Variants in GLIS3 observed in about 807,000 individuals in gnomAD.
GLIS3 encodes the protein GLIS family zinc finger 3.
A neutral mutation model predicts 78.6 loss-of-function variants in GLIS3; 53 were observed. The ratio of observed to expected loss-of-function variants is 0.67; its 90% confidence interval spans 0.54 to 0.85. GLIS3 has a LOEUF of 0.85. Ranked by LOEUF, GLIS3 falls within the 40% of genes least tolerant of loss-of-function variation. The probability of loss-of-function intolerance (pLI) is 0.00; values close to 1 mark genes in which losing one functional copy is unlikely to be tolerated. For missense variants in GLIS3, 1,703 were observed against 1,231.1 expected (o/e 1.38, Z -5.74); for synonymous variants, 684 against 509.9 (o/e 1.34, Z -4.60).
the GLIS3 span, among the ~76,000 whole-genome samples, chr9:4,363,282 G>T: frequency 2.0e-5 from 3 of 152,148 alleles, no homozygotes; most frequent in African/African-American, 7.2e-5. Flanking sequence ...AATTAGCCAG[G>T]TGTGGTGGCA....
intron 2 of GLIS3, among the ~76,000 whole-genome samples, chr9:4,215,931 A>T (rs1820786164): frequency 6.6e-6 from 1 of 152,190 alleles, no homozygotes; most frequent in Non-Finnish European, 1.5e-5. Flanking sequence ...TTTAAAACTA[A>T]AAAAGCTGAT....
intron 2 of GLIS3, among the ~76,000 whole-genome samples, chr9:4,265,036 G>C (rs899855279): frequency 6.6e-6 from 1 of 151,832 alleles, no homozygotes; most frequent in African/African-American, 2.4e-5. Context: ...GCCGGGTGTG[G>C]TGGCGGGCGC....
At chr9:3,903,047 G>C (rs911606520) in intron 6 of GLIS3, among the ~76,000 whole-genome samples, 1 of 152,148 alleles carries the variant, frequency 6.6e-6, no homozygotes, top group Non-Finnish European at 1.5e-5. Context: ...AATATGTCAT[G>C]TTTTGTAGCT....
At chr9:4,019,942 GA>G (rs1822747286) in intron 4 of GLIS3, among the ~76,000 whole-genome samples, 1 of 152,030 alleles carries the variant, frequency 6.6e-6, no homozygotes, top group Non-Finnish European at 1.5e-5. Context: ...TTTTTTTGTA[GA>G]GACGGGGTAT....
chr9:3,867,715 TTGTGTGTGTGTGTGCGTGCG>T (rs767599179), intron 8 of GLIS3, among the ~76,000 whole-genome samples: 28 of 16,296 alleles, frequency 1.7e-3, no homozygotes, highest in Middle Eastern at 0.04. Context: ...TCAACAATTC[TTGTGTGTGTGTGTGCGTGCG>T]TGTGTGTGTG....
chr9:4,029,317 A>T (rs1445548929), intron 4 of GLIS3, among the ~76,000 whole-genome samples: 2 of 151,874 alleles, frequency 1.3e-5, no homozygotes, highest in Non-Finnish European at 2.9e-5. Context: ...CATCATTTTT[A>T]AAAAATGTTT....
At chr9:4,166,344 G>C (rs1835892765) in intron 2 of GLIS3, among the ~76,000 whole-genome samples, 1 of 152,214 alleles carries the variant, frequency 6.6e-6, no homozygotes, top group South Asian at 2.1e-4. Flanking sequence ...GAAAGCTGCA[G>C]CCCAGGAGAC....
intron 2 of GLIS3, among the ~76,000 whole-genome samples, chr9:4,144,517 T>C (rs760060585): frequency 6.6e-6 from 1 of 152,218 alleles, no homozygotes; most frequent in Non-Finnish European, 1.5e-5. Flanking sequence ...TTATACATGA[T>C]TAAGCATGAG....
chr9:4,290,903 T>A (rs1187724752), intron 1 of GLIS3, among the ~76,000 whole-genome samples: 1 of 152,112 alleles, frequency 6.6e-6, no homozygotes, highest in East Asian at 1.9e-4. Context: ...TTTCCCCAAA[T>A]TGAAACTGGA....
At position 4,298,113 on chromosome 9, in the gene GLIS3, C is replaced by T. The variant is rs553025490; in HGVS notation, c.-99+1308G>A. ...CCGGCTTCCTGTTGTGCAACTCGCT[C>T]CTGAGTGAGTCGGGGGCCGAAAGGG... On this transcript the variant is annotated intron_variant, in intron 1 of 10. Coordinates refer to ENST00000381971, the MANE Select transcript of GLIS3 (RefSeq NM_001042413.2). Among the ~76,000 whole-genome samples the T allele has an allele frequency of 5.3e-5, 8 of 152,244 alleles. No individual in the cohort carries two copies. In the South Asian group the frequency reaches 1.5e-3, roughly 28 times the overall value.
chr9:4,340,145 G>A (rs950482128), intron 2 of GLIS3, among the ~76,000 whole-genome samples: 2 of 151,728 alleles, frequency 1.3e-5, no homozygotes, highest in Admixed American at 6.6e-5. Context: ...TTTTTCTACA[G>A]CCTTCTCCAT....
chr9:3,955,562 G>A (rs779222035), intron 4 of GLIS3, among the ~76,000 whole-genome samples: 1 of 152,056 alleles, frequency 6.6e-6, no homozygotes, highest in Non-Finnish European at 1.5e-5. Context: ...TGAAAAAGGG[G>A]TCATGAGCAG....
chr9:4,102,794 G>A (rs572782235), intron 4 of GLIS3, among the ~76,000 whole-genome samples: 6 of 151,510 alleles, frequency 4.0e-5, no homozygotes, highest in South Asian at 2.1e-4. Flanking sequence ...GCTTTTTTTC[G>A]TAGTCAGTGG....
chr9:4,453,720 C>G, the GLIS3 span, among the ~76,000 whole-genome samples: 2 of 152,106 alleles, frequency 1.3e-5, no homozygotes, highest in East Asian at 3.9e-4. Context: ...AAGCTGGAAA[C>G]CATCATTCTG....
At chr9:4,142,384 A>G (rs764818899) in intron 2 of GLIS3, among the ~76,000 whole-genome samples, 3 of 152,210 alleles carry the variant, frequency 2.0e-5, no homozygotes, top group African/African-American at 7.2e-5. Context: ...ATGGTTTTCA[A>G]TGTTAATGAG....
chr9:3,987,776 A>AC (rs1423013686), intron 4 of GLIS3, among the ~76,000 whole-genome samples: 3 of 144,338 alleles, frequency 2.1e-5, no homozygotes, highest in African/African-American at 5.0e-5. Context: ...AAAAAAAAAA[A>AC]AAAAAAAAAA....
At chr9:4,261,750 CAG>C (rs1285312942) in intron 2 of GLIS3, among the ~76,000 whole-genome samples, 1 of 152,178 alleles carries the variant, frequency 6.6e-6, no homozygotes, top group Non-Finnish European at 1.5e-5. Flanking sequence ...ATTCCCATTT[CAG>C]AGAGTCTTTA....
intron 4 of GLIS3, among the ~76,000 whole-genome samples, chr9:4,018,882 G>C (rs1477750954): frequency 6.6e-6 from 1 of 152,216 alleles, no homozygotes; most frequent in Non-Finnish European, 1.5e-5. Flanking sequence ...TTCTCGCTTA[G>C]AAAAGCAAGT....
intron 2 of GLIS3, among the ~76,000 whole-genome samples, chr9:4,197,453 G>GC (rs34490487): frequency 2.0e-5 from 3 of 152,096 alleles, no homozygotes; most frequent in African/African-American, 4.8e-5. Context: ...AGTTTAGGCT[G>GC]CCCCCCTGCC....
Sources: gnomAD v4.1 joint callset for allele counts (sites outside exome capture counted in the v4.1 genomes callset) on GRCh38, gnomAD v4.1.1 for gene constraint, MANE v1.5 for transcripts, NCBI Gene and HGNC (gene_info 2026-07-23, HGNC 2026-07-21) for gene names.